HPN: variants seen among roughly 807,000 people sequenced by gnomAD.
The protein encoded by HPN is serine protease hepsin.
A neutral mutation model predicts 55.9 loss-of-function variants in HPN; 13 were observed. That is an observed-to-expected ratio of 0.23 (90% CI 0.15 to 0.37). HPN has a LOEUF of 0.37. Among genes scored for constraint, HPN ranks in the 10% least tolerant of loss-of-function variants. HPN has a pLI of 1.00. For missense variants in HPN, 451 were observed against 575.8 expected (o/e 0.78, Z 2.22); for synonymous variants, 225 against 240.3 (o/e 0.94, Z 0.59).
chr19:35,050,576 G>A (rs1177006181), intron 4 of HPN: 11 of 1,224,326 alleles, frequency 9.0e-6, no homozygotes, highest in Non-Finnish European at 1.2e-5. Flanking sequence ...AATAGATAAA[G>A]AAACTAACTG....
intron 4 of HPN, among the ~76,000 whole-genome samples, chr19:35,057,705 T>C (rs1002307028): frequency 6.6e-6 from 1 of 152,192 alleles, no homozygotes; most frequent in Non-Finnish European, 1.5e-5. Context: ...ATTATATACT[T>C]GAACATTGCT....
intron 12 of HPN, 90 bp from the exon 13 acceptor site, chr19:35,066,159 T>TG: frequency 6.2e-7 from 1 of 1,613,296 alleles, no homozygotes; most frequent in Non-Finnish European, 8.5e-7. Context: ...TGGGAACAGA[T>TG]GGACTTTGAA....
intron 2 of HPN, among the ~76,000 whole-genome samples, chr19:35,044,032 C>T (rs7249282): frequency 0.028 from 4,245 of 152,288 alleles, 190 homozygotes; most frequent in African/African-American, 0.094. Flanking sequence ...ACTTACTTGC[C>T]GGGTGACCCG....
At chr19:35,054,927 G>T (rs778342974) in intron 4 of HPN, among the ~76,000 whole-genome samples, 1 of 152,110 alleles carries the variant, frequency 6.6e-6, no homozygotes, top group African/African-American at 2.4e-5. Context: ...GCCTCACCAG[G>T]TTCCTTCTAA....
In HPN at chr19:35,042,958, C is replaced by T. The variant is rs554140494; in HGVS notation, c.16+436C>T. Reference sequence around the variant, plus strand: ...CATTATTCTTAGGGCTTTGGTCTCCCTCTGGGTCAAGCATGGATACCAGTC... The same window carrying T: ...CATTATTCTTAGGGCTTTGGTCTCCTTCTGGGTCAAGCATGGATACCAGTC... On this transcript the variant is annotated intron_variant, in intron 2 of 12. Coordinates refer to ENST00000672452, the MANE Select transcript of HPN (RefSeq NM_001384133.1). Among the ~76,000 whole-genome samples the T allele has an allele frequency of 2.4e-4, 36 of 152,274 alleles. No homozygotes were observed. The South Asian group carries it at 3.1e-3, about 13-fold the overall frequency.
chr19:35,052,326 G>T (rs942254556), intron 4 of HPN, among the ~76,000 whole-genome samples: 3 of 152,040 alleles, frequency 2.0e-5, no homozygotes, highest in Non-Finnish European at 4.4e-5. Context: ...TCAGGAGTTC[G>T]AGACCAGCCT....
chr19:35,045,467 G>T (rs1215476779), intron 2 of HPN, among the ~76,000 whole-genome samples: 2 of 152,256 alleles, frequency 1.3e-5, no homozygotes, highest in African/African-American at 4.8e-5. Flanking sequence ...GGTGTTACGC[G>T]TGGGGGTCTT....
intron 2 of HPN, among the ~76,000 whole-genome samples, chr19:35,043,480 C>T (rs1381522566): frequency 6.6e-6 from 1 of 152,194 alleles, no homozygotes; most frequent in African/African-American, 2.4e-5. Flanking sequence ...CCTGGGCAGA[C>T]GGCGTGTTCT....
At position 35,048,067 on chromosome 19, in the gene HPN, A is replaced by AG; in HGVS notation, c.17-1222dup. 9.5e-5 allele frequency among the ~76,000 whole-genome samples: 5 copies of AG among 52,680 alleles called. No homozygotes were observed. In the South Asian group the frequency reaches 3.2e-3, roughly 33 times the overall value. 34.6% of individuals were successfully genotyped at this position (52,680 alleles called of 152,430 possible). Reference sequence around the variant, plus strand: ...AAGAAAGAAAGAAAGAAAGAAAGAAAGAAAGAAAGAAAGAAAAGGAAGGAA... The same window carrying AG: ...AAGAAAGAAAGAAAGAAAGAAAGAAAGGAAAGAAAGAAAGAAAAGGAAGGAA... On this transcript the variant is annotated intron_variant, in intron 2 of 12. Transcript: ENST00000672452.
intron 1 of HPN, 163 bp from the exon 2 acceptor site, chr19:35,042,289 AC>A: frequency 7.2e-7 from 1 of 1,389,804 alleles, no homozygotes; most frequent in Non-Finnish European, 9.3e-7. Context: ...TCAGACACTG[AC>A]CCCATCCTTG....
chr19:35,054,430 A>C (rs1310182588), intron 4 of HPN, among the ~76,000 whole-genome samples: 1 of 151,930 alleles, frequency 6.6e-6, no homozygotes, highest in East Asian at 1.9e-4. Context: ...AAAAAAAAAA[A>C]AAAACCGAAG....
At chr19:35,062,024 C>T (rs943281571) in intron 9 of HPN, among the ~76,000 whole-genome samples, 8 of 149,980 alleles carry the variant, frequency 5.3e-5, no homozygotes, top group African/African-American at 1.5e-4. Flanking sequence ...TGCCACTGTA[C>T]TCCAGCCTGG....
At chr19:35,059,844 G>A (rs1252988446) in intron 5 of HPN, 30 bp from the exon 6 acceptor site, 1 of 1,522,534 alleles carries the variant, frequency 6.6e-7, no homozygotes, top group East Asian at 2.3e-5. Context: ...GGAGGGGCTG[G>A]GGAGCAGGCC....
At chr19:35,044,597 T>A (rs1246394026) in intron 2 of HPN, among the ~76,000 whole-genome samples, 1 of 152,162 alleles carries the variant, frequency 6.6e-6, no homozygotes, top group Non-Finnish European at 1.5e-5. Context: ...CAAGTTCTAC[T>A]GTTTGGGTTG....
chr19:35,058,392 C>G (rs1417688996), intron 4 of HPN, among the ~76,000 whole-genome samples: 1 of 149,096 alleles, frequency 6.7e-6, no homozygotes, highest in Non-Finnish European at 1.5e-5. Flanking sequence ...CTTGGCCAGG[C>G]TGGTCTTGAA....
At chr19:35,056,785 T>G (rs1224569907) in intron 4 of HPN, among the ~76,000 whole-genome samples, 2 of 152,218 alleles carry the variant, frequency 1.3e-5, no homozygotes, top group African/African-American at 4.8e-5. Flanking sequence ...ATGTGTCCAG[T>G]TAACGCTTGC....
chr19:35,059,169 C>T (rs1214544264), intron 4 of HPN: 1 of 267,440 alleles, frequency 3.7e-6, no homozygotes, highest in Non-Finnish European at 7.3e-6. Flanking sequence ...GTCCTTGAGT[C>T]TGGCAGAGTG....
Position 35,042,446 on chromosome 19 carries a change from C to G in HPN, c.-54-7C>G. The stretch of plus-strand genomic sequence containing the variant: ...CAGGCCCTGCCTCCCCGTCCATCTC[C>G]TCACAGGTCCCACCCTGGCCCAGGA... On this transcript the variant is annotated splice_region_variant and splice_polypyrimidine_tract_variant and intron_variant, in intron 1 of 12. Coordinates refer to ENST00000672452, the MANE Select transcript of HPN (RefSeq NM_001384133.1). The G allele has an allele frequency of 6.4e-7, 1 of 1,573,284 alleles. No individual in the cohort carries two copies. The highest frequency in any genetic ancestry group is 8.6e-7 in the Non-Finnish European group (1 of 1,159,726).
At chr19:35,044,503 T>G (rs1308531213) in intron 2 of HPN, among the ~76,000 whole-genome samples, 1 of 152,158 alleles carries the variant, frequency 6.6e-6, no homozygotes, top group African/African-American at 2.4e-5. Context: ...GGGGAAGAGC[T>G]GGCCAATTCC....
Sources: allele counts gnomAD v4.1 joint callset (sites outside exome capture counted in the v4.1 genomes callset), GRCh38; gene constraint gnomAD v4.1.1; transcripts MANE v1.5; gene names NCBI Gene and HGNC (gene_info 2026-07-23, HGNC 2026-07-21).